The following DNAH7 variants were observed in gnomAD, a reference collection of about 807,000 sequenced individuals.
DNAH7 encodes the protein dynein axonemal heavy chain 7.
A neutral mutation model predicts 444.6 loss-of-function variants in DNAH7; 397 were observed. The observed-to-expected ratio is 0.89, with a 90% CI of 0.82 to 0.97. DNAH7 has a LOEUF of 0.97. Among genes scored for constraint, DNAH7 ranks in the 50% least tolerant of loss-of-function variants. The probability of loss-of-function intolerance (pLI) is 0.00; values close to 1 mark genes in which losing one functional copy is unlikely to be tolerated. For synonymous variants in DNAH7, 1,636 were observed against 1,624.4 expected, an observed-to-expected ratio of 1.01 and a Z score of -0.17; for missense variants, 4,902 against 4,800.8, an observed-to-expected ratio of 1.02 and a Z score of -0.62.
chr2:196,017,570 G>C (rs540163154), intron 9 of DNAH7, among the ~76,000 whole-genome samples: 57 of 152,040 alleles, frequency 3.7e-4, no homozygotes, highest in African/African-American at 1.3e-3. Context: ...ATCTGTACTT[G>C]TACGGAAAGA....
At chr2:195,841,473 T>C (rs914122434) in intron 47 of DNAH7, among the ~76,000 whole-genome samples, 6 of 151,862 alleles carry the variant, frequency 4.0e-5, no homozygotes, top group African/African-American at 1.4e-4. Context: ...AATAACATAT[T>C]AGATGAATAA....
chr2:195,999,452 A>T (rs150123399), intron 12 of DNAH7, among the ~76,000 whole-genome samples: 4 of 152,312 alleles, frequency 2.6e-5, no homozygotes, highest in Non-Finnish European at 5.9e-5. Context: ...ACTTAAACCA[A>T]GTCCTCAAAG....
At chr2:195,785,689 T>C (rs1358597118) in intron 58 of DNAH7, among the ~76,000 whole-genome samples, 1 of 152,034 alleles carries the variant, frequency 6.6e-6, no homozygotes, top group African/African-American at 2.4e-5. Context: ...TTTTTCTTCT[T>C]CAGCCTTCTA....
At position 195,816,684 on chromosome 2, in the gene DNAH7, A is replaced by T. The variant is rs1454894360; in HGVS notation, c.9705T>A (p.Ile3235=). The change falls in exon 51 of 65, where the codon ATT becomes ATA. Residue 3235 remains isoleucine, a synonymous_variant. Coordinates refer to ENST00000312428, the MANE Select transcript of DNAH7 (RefSeq NM_018897.3). ...TTTCAATAGACAGGATGAAAAGGTT[A>T]ATAAACCAGGTCAGTGAATACTGGT... ...PMYQYSLTWF[I]NLFILSIENS... 1 of 1,614,060 alleles carries T rather than the reference A, an allele frequency of 6.2e-7. No individual in the cohort carries two copies. The highest frequency in any genetic ancestry group is 8.5e-7 in the Non-Finnish European group (1 of 1,180,014).
At chr2:195,891,846 G>T in intron 30 of DNAH7, 42 bp from the exon 31 acceptor site, 1 of 1,427,820 alleles carries the variant, frequency 7.0e-7, no homozygotes, top group Non-Finnish European at 9.4e-7. Flanking sequence ...AAAGAATACT[G>T]TCTTTATTCA....
intron 54 of DNAH7, among the ~76,000 whole-genome samples, chr2:195,802,442 A>G (rs55916229): frequency 0.063 from 9,580 of 151,996 alleles, 422 homozygotes; most frequent in African/African-American, 0.13. Context: ...GGAGGTTGCA[A>G]TGAGTCGAGA....
At chr2:195,754,232 C>A in intron 63 of DNAH7, 105 bp downstream of exon 63, 1 of 1,219,108 alleles carries the variant, frequency 8.2e-7, no homozygotes, top group South Asian at 1.8e-5. Flanking sequence ...AGGTAAATTA[C>A]ATTCATGTTT....
intron 5 of DNAH7, among the ~76,000 whole-genome samples, chr2:196,046,861 G>T (rs747453412): frequency 6.6e-6 from 1 of 152,144 alleles, no homozygotes; most frequent in African/African-American, 2.4e-5. Flanking sequence ...AGCACAAAGC[G>T]GTGTGGAAAC....
Position 195,784,119 on chromosome 2 carries a change from C to A in DNAH7, c.10878+2891G>T, listed in dbSNP as rs116020781. On this transcript the variant is annotated intron_variant, in intron 58 of 64. Coordinates refer to ENST00000312428, the MANE Select transcript of DNAH7 (RefSeq NM_018897.3). ...ATTCATGAGGACTCGAAGTCCACAGCTGACATTAGGGTTCACTCCTAGGGT... is the reference window on the plus strand; with the variant it reads ...ATTCATGAGGACTCGAAGTCCACAGATGACATTAGGGTTCACTCCTAGGGT... 6.9e-3 allele frequency among the ~76,000 whole-genome samples: 1,053 copies of A among 152,282 alleles called. 7 individuals carry two copies. Among genetic ancestry groups the A allele is most frequent in the African/African-American group, 0.024 (999 of 41,552 alleles).
chr2:195,949,226 C>T (rs771363702), intron 19 of DNAH7, among the ~76,000 whole-genome samples: 10 of 152,134 alleles, frequency 6.6e-5, no homozygotes, highest in Non-Finnish European at 1.3e-4. Context: ...GCAATCATGT[C>T]ATCTGCAAAC....
chr2:195,864,068 T>C (rs1700174031), intron 41 of DNAH7, 81 bp downstream of exon 41: 1 of 1,422,746 alleles, frequency 7.0e-7, no homozygotes, highest in Admixed American at 2.1e-5. Flanking sequence ...AAACTACAGG[T>C]TGGGAATCTA....
intron 5 of DNAH7, among the ~76,000 whole-genome samples, chr2:196,044,921 C>CA (rs1330688699): frequency 6.6e-6 from 1 of 151,784 alleles, no homozygotes; most frequent in Non-Finnish European, 1.5e-5. Flanking sequence ...AATAATAATA[C>CA]AAAAAATTAG....
At chr2:195,770,873 T>C (rs1027288035) in intron 61 of DNAH7, among the ~76,000 whole-genome samples, 11 of 151,956 alleles carry the variant, frequency 7.2e-5, no homozygotes, top group Admixed American at 7.2e-4. Flanking sequence ...AGCATTTTTT[T>C]TTTTTTTTTC....
chr2:196,049,826 TAA>T (rs1263008928), intron 3 of DNAH7, among the ~76,000 whole-genome samples: 6 of 152,198 alleles, frequency 3.9e-5, no homozygotes, highest in African/African-American at 1.4e-4. Context: ...AAATTTAAAT[TAA>T]GTTTATATTT....
intron 21 of DNAH7, among the ~76,000 whole-genome samples, chr2:195,932,780 T>C (rs1319930333): frequency 1.3e-5 from 2 of 152,170 alleles, no homozygotes; most frequent in Non-Finnish European, 2.9e-5. Flanking sequence ...CACTTGATTG[T>C]GGTGGATAAG....
At chr2:195,882,590 T>C (rs1359192634) in intron 35 of DNAH7, among the ~76,000 whole-genome samples, 1 of 152,200 alleles carries the variant, frequency 6.6e-6, no homozygotes, top group African/African-American at 2.4e-5. Context: ...TAATATGAGA[T>C]TATTATTATG....
At chr2:195,842,160 C>T (rs1263108512) in intron 47 of DNAH7, among the ~76,000 whole-genome samples, 1 of 151,862 alleles carries the variant, frequency 6.6e-6, no homozygotes, top group Non-Finnish European at 1.5e-5. Context: ...ATCTACTTAC[C>T]AAGCTGTTAA....
intron 46 of DNAH7, 89 bp downstream of exon 46, chr2:195,853,254 A>G: frequency 3.9e-6 from 5 of 1,276,654 alleles, no homozygotes; most frequent in Non-Finnish European, 5.3e-6. Flanking sequence ...CTTAACAAAA[A>G]ACTGAAACCA....
rs371519400 is a variant in DNAH7, at chr2:195,934,636, C to A, written c.3426G>T (p.Lys1142Asn). 2.5e-6 allele frequency: 4 copies of A among 1,614,000 alleles called. No homozygotes were observed. Among genetic ancestry groups the A allele is most frequent in the Non-Finnish European group, 3.4e-6 (4 of 1,179,996 alleles). The change falls in exon 21 of 65, where the codon AAG (lysine) becomes AAT (asparagine). Residue 1142 changes from lysine (K) to asparagine (N), a missense_variant. By Grantham distance (94) the Lys-to-Asn change is moderately conservative (BLOSUM62 0). Transcript: ENST00000312428. ...TAACTCTCTCTAATTCAACCAACCA[C>A]TTCTCCACTTGACCTCTGGCTTTGG... ...STAKARGQVE[K>N]WLVELERVMI...
Sources: gnomAD v4.1 joint callset for allele counts (sites outside exome capture counted in the v4.1 genomes callset) on GRCh38, gnomAD v4.1.1 for gene constraint, MANE v1.5 for transcripts, NCBI Gene and HGNC (gene_info 2026-07-23, HGNC 2026-07-21) for gene names.